The following AGMO variants were observed in gnomAD, a reference collection of about 807,000 sequenced individuals.
AGMO encodes the protein alkylglycerol monooxygenase.
In AGMO, 75 loss-of-function variants were observed where a neutral mutation model predicts 60.2. That is an observed-to-expected ratio of 1.25 (90% CI 1.03 to 1.51). AGMO has a LOEUF of 1.51. Ranked by LOEUF, AGMO falls within the 40% of genes most tolerant of loss-of-function variation. The probability of loss-of-function intolerance (pLI) is 0.00; values close to 1 mark genes in which losing one functional copy is unlikely to be tolerated. For synonymous variants in AGMO, 261 were observed against 177.1 expected (o/e 1.47, Z -3.76); for missense variants, 763 against 525.5 (o/e 1.45, Z -4.42).
intron 3 of AGMO, among the ~76,000 whole-genome samples, chr7:15,463,429 T>TACACACTCACCCAAACTGGCG (rs1242212655): frequency 4.6e-5 from 7 of 152,140 alleles, no homozygotes; most frequent in Non-Finnish European, 1.0e-4. Flanking sequence ...GAACCTCTCT[T>TACACACTCACCCAAACTGGCG]ACACACTCAC....
chr7:15,459,111 G>GC (rs943277655), intron 3 of AGMO, among the ~76,000 whole-genome samples: 1 of 151,638 alleles, frequency 6.6e-6, no homozygotes, highest in Admixed American at 6.6e-5. Context: ...TAAGAAGTGG[G>GC]TTTTTTTTCT....
intron 12 of AGMO, among the ~76,000 whole-genome samples, chr7:15,224,495 C>T (rs1285171117): frequency 6.6e-6 from 1 of 151,940 alleles, no homozygotes; most frequent in Non-Finnish European, 1.5e-5. Context: ...AGAAGGCTAT[C>T]ACCAGAAACT....
chr7:15,506,145 T>C (rs1055566277), intron 3 of AGMO, among the ~76,000 whole-genome samples: 6 of 152,110 alleles, frequency 3.9e-5, no homozygotes, highest in African/African-American at 1.4e-4. Context: ...AAACAGACTT[T>C]GAACTCAGAT....
chr7:15,283,408 A>G (rs1039585160), intron 12 of AGMO, among the ~76,000 whole-genome samples: 15 of 152,090 alleles, frequency 9.9e-5, no homozygotes, highest in African/African-American at 3.1e-4. Flanking sequence ...ATGCAAATGG[A>G]AACCAAATGT....
intron 3 of AGMO, among the ~76,000 whole-genome samples, chr7:15,505,153 A>G (rs1783479018): frequency 6.6e-6 from 1 of 151,784 alleles, no homozygotes; most frequent in Admixed American, 6.6e-5. Context: ...AAACTACTAC[A>G]TTTTTTCATG....
chr7:15,355,155 T>G (rs1467892889), intron 12 of AGMO, among the ~76,000 whole-genome samples: 1 of 151,998 alleles, frequency 6.6e-6, no homozygotes, highest in African/African-American at 2.4e-5. Flanking sequence ...TATACAAGAA[T>G]AGAGAAAAAT....
chr7:15,424,747 C>T (rs1781012546), intron 4 of AGMO, among the ~76,000 whole-genome samples: 1 of 152,086 alleles, frequency 6.6e-6, no homozygotes, highest in African/African-American at 2.4e-5. Flanking sequence ...CCTTGGAGTT[C>T]CGAGGCAAAG....
Position 15,207,591 on chromosome 7 carries a change from A to G in AGMO, c.1264-6232T>C, listed in dbSNP as rs138872050. On this transcript the variant is annotated intron_variant, in intron 12 of 12. Coordinates refer to ENST00000342526, the MANE Select transcript of AGMO (RefSeq NM_001004320.2). Reference sequence around the variant, plus strand: ...TCAATTTTTACCAGCTTAGATTGTTATATTTTTAGTTTAACTTTGTCAAAA... The same window carrying G: ...TCAATTTTTACCAGCTTAGATTGTTGTATTTTTAGTTTAACTTTGTCAAAA... Among the ~76,000 whole-genome samples the G allele has an allele frequency of 5.3e-3, 811 of 152,306 alleles. 4 individuals are homozygous for G. Among genetic ancestry groups the G allele is most frequent in the African/African-American group, 0.018 (764 of 41,574 alleles).
chr7:15,124,528 C>A, the AGMO span, among the ~76,000 whole-genome samples: 7 of 152,022 alleles, frequency 4.6e-5, no homozygotes, highest in Admixed American at 3.3e-4. Context: ...GATAAAGCTT[C>A]TCCTGCTTAA....
At chr7:15,432,369 C>CACATATATATATATATATATAT (rs141888494) in intron 3 of AGMO, among the ~76,000 whole-genome samples, 4 of 50,700 alleles carry the variant, frequency 7.9e-5, no homozygotes, top group Non-Finnish European at 1.5e-4. Context: ...TATACACACA[C>CACATATATATATATATATATAT]ATATATATAT....
chr7:15,384,839 T>C (rs1481870501), intron 10 of AGMO, among the ~76,000 whole-genome samples: 1 of 120,148 alleles, frequency 8.3e-6, no homozygotes, highest in African/African-American at 2.9e-5. Context: ...TTTTTTGCAA[T>C]TTACAACATA....
chr7:15,372,309 G>C (rs1481160841), intron 10 of AGMO, among the ~76,000 whole-genome samples: 1 of 151,982 alleles, frequency 6.6e-6, no homozygotes, highest in Admixed American at 6.6e-5. Context: ...AAATTAGCCA[G>C]GCATGGTGGC....
At position 15,385,518 on chromosome 7, in the gene AGMO, T is replaced by TTTA. The variant is rs1562477106; in HGVS notation, c.1001_1002insTAA (p.Leu334_Leu335insLys). 2 of 1,613,354 alleles carry TTTA rather than the reference T, an allele frequency of 1.2e-6. No individual in the cohort carries two copies. Among genetic ancestry groups the TTTA allele is most frequent in the Admixed American group, 3.3e-5 (2 of 59,972 alleles). On this transcript the variant is annotated inframe_insertion, in exon 10 of 13. Coordinates refer to ENST00000342526, the MANE Select transcript of AGMO (RefSeq NM_001004320.2). ...ACTGTACAACTGTATATATCTTTAATAGCTGAGATGAAGATGATGAGAAGG... is the reference window on the plus strand; with the variant it reads ...ACTGTACAACTGTATATATCTTTAATTTAAGCTGAGATGAAGATGATGAGAAGG...
chr7:15,128,455 T>C, the AGMO span, among the ~76,000 whole-genome samples: 1 of 152,156 alleles, frequency 6.6e-6, no homozygotes, highest in East Asian at 1.9e-4. Context: ...ATAAAACTGT[T>C]GTTTATATGC....
chr7:15,432,379 T>TATATATATATATATATATATATATATAC lies in AGMO; in HGVS notation c.410-1272_410-1271insGTATATATATATATATATATATATATAT, dbSNP rs373845365. ...ATATATATACACACACATATATATA[T>TATATATATATATATATATATATATATAC]ACACTATCTGGGTAAATTTTGGCCA... On this transcript the variant is annotated intron_variant, in intron 3 of 12. Transcript: ENST00000342526. Among the ~76,000 whole-genome samples, 964 of 135,632 alleles carry TATATATATATATATATATATATATATAC rather than the reference T, an allele frequency of 7.1e-3. 22 individuals are homozygous for TATATATATATATATATATATATATATAC. The highest frequency in any genetic ancestry group is 0.011 in the Non-Finnish European group (704 of 63,442). 89.0% of individuals were successfully genotyped at this position (135,632 alleles called of 152,430 possible). A position where few individuals can be genotyped will look rare whatever the true frequency, so the allele number is the denominator to read the frequency against.
At chr7:15,367,537 T>C (rs1783035496) in intron 10 of AGMO, among the ~76,000 whole-genome samples, 1 of 152,062 alleles carries the variant, frequency 6.6e-6, no homozygotes, top group Admixed American at 6.6e-5. Flanking sequence ...AAATAACGCC[T>C]CTGAAACTCA....
At chr7:15,465,019 T>G (rs1424208679) in intron 3 of AGMO, among the ~76,000 whole-genome samples, 3 of 152,186 alleles carry the variant, frequency 2.0e-5, no homozygotes, top group Non-Finnish European at 4.4e-5. Flanking sequence ...ACGTGTCATT[T>G]TCTGTAATTA....
intron 3 of AGMO, among the ~76,000 whole-genome samples, chr7:15,511,408 A>G (rs574580188): frequency 3.9e-5 from 6 of 152,292 alleles, no homozygotes; most frequent in African/African-American, 1.4e-4. Flanking sequence ...TAACAAAATG[A>G]CTTTGAACAA....
chr7:15,440,632 A>G (rs765910110), intron 3 of AGMO, among the ~76,000 whole-genome samples: 6 of 152,200 alleles, frequency 3.9e-5, no homozygotes, highest in Non-Finnish European at 7.3e-5. Context: ...ATAGGCAGAT[A>G]AGAAAGAAAC....
Sources: gnomAD v4.1 joint callset for allele counts (sites outside exome capture counted in the v4.1 genomes callset) on GRCh38, gnomAD v4.1.1 for gene constraint, MANE v1.5 for transcripts, NCBI Gene and HGNC (gene_info 2026-07-23, HGNC 2026-07-21) for gene names.